CERKL: variants seen among roughly 807,000 people sequenced by gnomAD.
The protein encoded by CERKL is ceramide kinase-like protein.
In CERKL, 61 loss-of-function variants were observed where a neutral mutation model predicts 63.4. That is an observed-to-expected ratio of 0.96 (90% CI 0.78 to 1.19). CERKL has a LOEUF of 1.19. Among genes scored for constraint, CERKL ranks in the 50% most tolerant of loss-of-function variants. The pLI is 0.00. For synonymous variants in CERKL, 250 were observed against 230.5 expected, an observed-to-expected ratio of 1.08 and a Z score of -0.77; for missense variants, 675 against 655.5, an observed-to-expected ratio of 1.03 and a Z score of -0.33.
intron 1 of CERKL, among the ~76,000 whole-genome samples, chr2:181,625,639 A>G (rs1686663963): frequency 6.6e-6 from 1 of 152,204 alleles, no homozygotes; most frequent in African/African-American, 2.4e-5. Context: ...CAGAAAGGAC[A>G]CTGGTGTAGG....
intron 11 of CERKL, among the ~76,000 whole-genome samples, chr2:181,539,886 A>G (rs529982798): frequency 4.1e-4 from 63 of 152,340 alleles, no homozygotes; most frequent in African/African-American, 1.4e-3. Flanking sequence ...TAAGGAAACT[A>G]TACTGAAAAA....
chr2:181,637,322 G>A (rs1339154561), intron 1 of CERKL, among the ~76,000 whole-genome samples: 9 of 151,872 alleles, frequency 5.9e-5, no homozygotes, highest in African/African-American at 1.5e-4. Flanking sequence ...AACAAAAAAC[G>A]GAAAGTAAAG....
In CERKL at chr2:181,557,770, A is replaced by T. The variant is rs577507595; in HGVS notation, c.820+796T>A. 2.6e-5 allele frequency among the ~76,000 whole-genome samples: 4 copies of T among 152,240 alleles called. No homozygotes were observed. In the East Asian group the frequency reaches 7.7e-4, roughly 29 times the overall value. On this transcript the variant is annotated intron_variant, in intron 5 of 12. Transcript: ENST00000410087. ...TGTAGGAGCCTCCATGGTTGGGCCT[A>T]TTTTGATACCATTATCTTCCACTGA...
intron 1 of CERKL, chr2:181,617,248 T>C (rs1686236360): frequency 6.6e-6 from 1 of 152,248 alleles, no homozygotes; most frequent in South Asian, 2.1e-4. Flanking sequence ...ATGGAAAGTA[T>C]ACATACAGCA....
chr2:181,624,824 A>G (rs1037044179), intron 1 of CERKL, among the ~76,000 whole-genome samples: 2 of 152,204 alleles, frequency 1.3e-5, no homozygotes, highest in African/African-American at 4.8e-5. Context: ...GAAATGGGAA[A>G]ATCTATAGGA....
At chr2:181,650,777 GA>G (rs892290765) in intron 1 of CERKL, among the ~76,000 whole-genome samples, 10 of 148,200 alleles carry the variant, frequency 6.7e-5, no homozygotes, top group Non-Finnish European at 1.0e-4. Flanking sequence ...AAGAAAGAAA[GA>G]AAAAAAAGAA....
chr2:181,656,735 AG>A, intron 1 of CERKL, 33 bp downstream of exon 1: 7 of 1,526,042 alleles, frequency 4.6e-6, no homozygotes, highest in Non-Finnish European at 5.3e-6. Context: ...GGAAGCGCGG[AG>A]GGAGGCGAAG....
chr2:181,583,635 G>A (rs1684633162), intron 2 of CERKL, among the ~76,000 whole-genome samples: 1 of 152,196 alleles, frequency 6.6e-6, no homozygotes, highest in Admixed American at 6.5e-5. Flanking sequence ...GCAGCTCACT[G>A]GAAAGAGCAA....
Position 181,548,927 on chromosome 2 carries a change from A to T in CERKL, c.896-70T>A, listed in dbSNP as rs1574437466. Reference sequence around the variant, plus strand: ...TGTATCAAAACAGCAAACATAAGAGAGCATATTTATTGGCTTATAGGAGAA... The same window carrying T: ...TGTATCAAAACAGCAAACATAAGAGTGCATATTTATTGGCTTATAGGAGAA... On this transcript the variant is annotated intron_variant, in intron 6 of 12. Coordinates refer to ENST00000410087, the MANE Select transcript of CERKL (RefSeq NM_201548.5). The T allele has an allele frequency of 9.9e-6, 14 of 1,407,422 alleles. No homozygotes were observed. The East Asian group carries it at 3.2e-4, about 32-fold the overall frequency. 87.2% of individuals were successfully genotyped at this position (1,407,422 alleles called of 1,614,324 possible).
At chr2:181,621,794 G>A (rs954736759) in intron 1 of CERKL, among the ~76,000 whole-genome samples, 3 of 152,140 alleles carry the variant, frequency 2.0e-5, no homozygotes, top group Non-Finnish European at 4.4e-5. Flanking sequence ...CAGGATTACA[G>A]CAAGCCATCT....
intron 5 of CERKL, among the ~76,000 whole-genome samples, chr2:181,551,484 T>G (rs1687985033): frequency 6.6e-6 from 1 of 151,732 alleles, no homozygotes; most frequent in South Asian, 2.1e-4. Context: ...AAAAATTCCA[T>G]CAAAAAGTGG....
chr2:181,582,516 C>CAT (rs59483712), intron 2 of CERKL, among the ~76,000 whole-genome samples: 5,250 of 142,802 alleles, frequency 0.037, 128 homozygotes, highest in Middle Eastern at 0.082. Context: ...ATATTGTCAA[C>CAT]ATATATATAT....
chr2:181,638,270 C>G (rs1486349919), intron 1 of CERKL, among the ~76,000 whole-genome samples: 1 of 152,146 alleles, frequency 6.6e-6, no homozygotes, highest in Non-Finnish European at 1.5e-5. Context: ...ATTGAGGTCT[C>G]TAATACCACT....
chr2:181,599,413 C>T (rs1447302466), intron 2 of CERKL, among the ~76,000 whole-genome samples: 3 of 151,498 alleles, frequency 2.0e-5, no homozygotes, highest in East Asian at 1.9e-4. Flanking sequence ...GGCACTCGCC[C>T]GTAATCCCAG....
chr2:181,580,777 C>A (rs977763193), intron 2 of CERKL, among the ~76,000 whole-genome samples: 22 of 152,212 alleles, frequency 1.4e-4, no homozygotes, highest in African/African-American at 5.1e-4. Flanking sequence ...TAAATAAAAT[C>A]TGGAGTTTTC....
chr2:181,571,034 A>C (rs1688879844), intron 3 of CERKL, among the ~76,000 whole-genome samples: 3 of 152,170 alleles, frequency 2.0e-5, no homozygotes, highest in Admixed American at 6.6e-5. Context: ...TTTGAAACTG[A>C]AACTAACAGT....
At chr2:181,570,899 C>T (rs1304913746) in intron 3 of CERKL, among the ~76,000 whole-genome samples, 1 of 151,984 alleles carries the variant, frequency 6.6e-6, no homozygotes, top group East Asian at 1.9e-4. Flanking sequence ...TTGGACTCAC[C>T]CATTCACACA....
intron 1 of CERKL, among the ~76,000 whole-genome samples, chr2:181,613,024 G>A (rs950243276): frequency 2.0e-5 from 3 of 152,046 alleles, no homozygotes; most frequent in East Asian, 3.8e-4. Flanking sequence ...CATTTAAGAC[G>A]TAGTCTCTTA....
intron 1 of CERKL, among the ~76,000 whole-genome samples, chr2:181,617,056 A>G (rs760013511): frequency 6.6e-6 from 1 of 152,210 alleles, no homozygotes; most frequent in Non-Finnish European, 1.5e-5. Context: ...AAACTCCTGG[A>G]GTGTCAGTAT....
Sources: allele counts gnomAD v4.1 joint callset (sites outside exome capture counted in the v4.1 genomes callset), GRCh38; gene constraint gnomAD v4.1.1; transcripts MANE v1.5; gene names NCBI Gene and HGNC (gene_info 2026-07-23, HGNC 2026-07-21).